Variants in RGSL1 observed in about 807,000 individuals in gnomAD.
RGSL1 encodes regulator of G protein signaling protein-like.
Under a neutral mutation model 124.7 loss-of-function variants are expected in RGSL1, and 97 were observed. That is an observed-to-expected ratio of 0.78 (90% CI 0.66 to 0.92). RGSL1 has a LOEUF of 0.92. Among genes scored for constraint, RGSL1 ranks in the 40% least tolerant of loss-of-function variants. The pLI is 0.00. For missense variants in RGSL1, 1,233 were observed against 1,288.4 expected, an observed-to-expected ratio of 0.96 and a Z score of 0.66; for synonymous variants, 424 against 438.1, an observed-to-expected ratio of 0.97 and a Z score of 0.40.
At chr1:182,522,193 T>C in intron 10 of RGSL1, 84 bp downstream of exon 10, 2 of 938,032 alleles carry the variant, frequency 2.1e-6, no homozygotes, top group South Asian at 3.1e-5. Flanking sequence ...AAACTTATCT[T>C]TCTATGTGTA....
At chr1:182,519,969 AT>A (rs1325220922) in intron 9 of RGSL1, among the ~76,000 whole-genome samples, 1 of 152,172 alleles carries the variant, frequency 6.6e-6, no homozygotes, top group East Asian at 1.9e-4. Flanking sequence ...CTTGAATTAT[AT>A]TAATAATAGT....
intron 1 of RGSL1, among the ~76,000 whole-genome samples, chr1:182,452,313 C>A (rs1317716229): frequency 6.6e-6 from 1 of 152,042 alleles, no homozygotes; most frequent in African/African-American, 2.4e-5. Context: ...TCAAGGACTG[C>A]TTATAAAAAG....
intron 15 of RGSL1, among the ~76,000 whole-genome samples, chr1:182,546,757 T>C (rs905401396): frequency 6.6e-6 from 1 of 152,254 alleles, no homozygotes; most frequent in Non-Finnish European, 1.5e-5. Context: ...CTTGTTTTCA[T>C]AGAAATAATA....
intron 6 of RGSL1, among the ~76,000 whole-genome samples, chr1:182,487,505 C>G (rs1655181127): frequency 6.6e-6 from 1 of 152,204 alleles, no homozygotes; most frequent in African/African-American, 2.4e-5. Context: ...ATGGCATGAT[C>G]TTTACTCAAC....
chr1:182,467,126 C>CA (rs1304746423), intron 4 of RGSL1, among the ~76,000 whole-genome samples: 3 of 152,238 alleles, frequency 2.0e-5, no homozygotes, highest in African/African-American at 7.2e-5. Context: ...AGGACACAAA[C>CA]AAATGGAAGA....
intron 15 of RGSL1, among the ~76,000 whole-genome samples, chr1:182,541,271 A>G (rs1659875915): frequency 6.6e-6 from 1 of 152,058 alleles, no homozygotes; most frequent in South Asian, 2.1e-4. Flanking sequence ...AGCTTCTGGT[A>G]ACTACCTGAG....
At chr1:182,450,212 G>A in intron 1 of RGSL1, 34 bp downstream of exon 1, 1 of 1,551,772 alleles carries the variant, frequency 6.4e-7, no homozygotes, top group Non-Finnish European at 8.7e-7. Context: ...CCAAGGCCTT[G>A]AGTCTCTCAA....
intron 6 of RGSL1, among the ~76,000 whole-genome samples, chr1:182,487,101 C>A (rs1205387678): frequency 6.6e-6 from 1 of 152,102 alleles, no homozygotes; most frequent in Non-Finnish European, 1.5e-5. Context: ...TATTACATTA[C>A]ATATTGCTCG....
At chr1:182,524,165 T>C (rs1445534136) in intron 10 of RGSL1, among the ~76,000 whole-genome samples, 1 of 152,048 alleles carries the variant, frequency 6.6e-6, no homozygotes, top group Non-Finnish European at 1.5e-5. Context: ...AGGTATTGGG[T>C]AGATTATTAA....
intron 9 of RGSL1, among the ~76,000 whole-genome samples, chr1:182,517,282 GT>G (rs33967101): frequency 1.4e-5 from 2 of 142,532 alleles, no homozygotes; most frequent in Non-Finnish European, 1.5e-5. Context: ...TTCTATTTCT[GT>G]TTTTTTTTTT....
intron 21 of RGSL1, 66 bp from the exon 22 acceptor site, chr1:182,560,213 A>G (rs1661093856): frequency 6.6e-6 from 1 of 152,182 alleles, no homozygotes. Flanking sequence ...AGCAAATGCT[A>G]TTGTCTTCAT....
intron 16 of RGSL1, 23 bp from the exon 17 acceptor site, chr1:182,548,677 A>T: frequency 6.4e-7 from 1 of 1,550,550 alleles, no homozygotes; most frequent in Non-Finnish European, 8.7e-7. Context: ...TCTGCCAGTG[A>T]CAGGCTCCCA....
In RGSL1 at chr1:182,554,087, C is replaced by T. The variant is rs536562820; in HGVS notation, c.3131-540C>T. ...TCAAGGAGTCAACCCCACTCCCACACTCTAACCCTGCCTTTGTTTCCACAT... is the reference window on the plus strand; with the variant it reads ...TCAAGGAGTCAACCCCACTCCCACATTCTAACCCTGCCTTTGTTTCCACAT... On this transcript the variant is annotated intron_variant, in intron 19 of 21. Transcript: ENST00000294854. Among the ~76,000 whole-genome samples, 121 of 152,340 alleles carry T rather than the reference C, an allele frequency of 7.9e-4. 1 individual carries two copies. Among genetic ancestry groups the T allele is most frequent in the African/African-American group, 2.8e-3 (116 of 41,578 alleles).
chr1:182,487,728 A>T (rs908783818), intron 6 of RGSL1, among the ~76,000 whole-genome samples: 1 of 152,242 alleles, frequency 6.6e-6, no homozygotes, highest in Non-Finnish European at 1.5e-5. Context: ...AGCACTTTGT[A>T]AAGTGCCTGA....
At chr1:182,522,466 C>T (rs1658420870) in intron 10 of RGSL1, among the ~76,000 whole-genome samples, 1 of 152,040 alleles carries the variant, frequency 6.6e-6, no homozygotes, top group South Asian at 2.1e-4. Context: ...CATCTTTATA[C>T]ATGTTTCTTT....
chr1:182,490,045 T>A (rs925175457), intron 8 of RGSL1, among the ~76,000 whole-genome samples: 1 of 152,192 alleles, frequency 6.6e-6, no homozygotes, highest in Non-Finnish European at 1.5e-5. Context: ...TGTGCACATA[T>A]ATATGAAAAA....
chr1:182,467,606 C>T (rs1428153356), intron 4 of RGSL1, among the ~76,000 whole-genome samples: 1 of 152,146 alleles, frequency 6.6e-6, no homozygotes, highest in Non-Finnish European at 1.5e-5. Flanking sequence ...ACACCTTATA[C>T]AAAAATTAAT....
At chr1:182,508,668 A>G (rs1349212029) in intron 9 of RGSL1, among the ~76,000 whole-genome samples, 1 of 134,246 alleles carries the variant, frequency 7.4e-6, no homozygotes, top group East Asian at 2.3e-4. Context: ...CCTATTGACT[A>G]TTTGTTTTTT....
chr1:182,450,110 G>T, upstream of RGSL1: 1 of 1,549,616 alleles, frequency 6.5e-7, no homozygotes, highest in Non-Finnish European at 8.7e-7. Context: ...TAGTTCTATT[G>T]ACTGGGGGGT....
Sources: allele counts gnomAD v4.1 joint callset (sites outside exome capture counted in the v4.1 genomes callset), GRCh38; gene constraint gnomAD v4.1.1; transcripts MANE v1.5; gene names NCBI Gene and HGNC (gene_info 2026-07-23, HGNC 2026-07-21).